Variants in FASTKD1 observed in about 807,000 individuals in gnomAD.
FASTKD1 encodes FAST kinase domain-containing protein 1, mitochondrial.
A neutral mutation model predicts 90.9 loss-of-function variants in FASTKD1; 94 were observed. That is an observed-to-expected ratio of 1.03 (90% CI 0.88 to 1.23). The LOEUF (loss-of-function observed/expected upper bound fraction) is 1.23, where lower values mean the gene tolerates loss of function less well. Ranked by LOEUF, FASTKD1 falls within the 50% of genes most tolerant of loss-of-function variation. The pLI is 0.00. For missense variants in FASTKD1, 945 were observed against 993.5 expected (o/e 0.95, Z 0.66); for synonymous variants, 319 against 345.8 (o/e 0.92, Z 0.86).
At chr2:169,566,660 C>G (rs1345691736) in intron 3 of FASTKD1, among the ~76,000 whole-genome samples, 1 of 151,954 alleles carries the variant, frequency 6.6e-6, no homozygotes, top group African/African-American at 2.4e-5. Context: ...TGCAGTGAGC[C>G]CTGGTTGTAC....
In FASTKD1 at chr2:169,560,672, T is replaced by C. The variant is rs371151192; in HGVS notation, c.686A>G (p.Asn229Ser). The part of the protein sequence containing the change: ...LFDTIDSSEV[N>S]VAKSIAKFLR... Reference sequence around the variant, plus strand: ...AAACTTTGCTATGCTTTTTGCAACGTTGACCTCAGAAGAATCTATGGTGTC... The same window carrying C: ...AAACTTTGCTATGCTTTTTGCAACGCTGACCTCAGAAGAATCTATGGTGTC... The change falls in exon 5 of 15, where the codon AAC becomes AGC. Residue 229 changes from asparagine (N) to serine (S), a missense_variant. By Grantham distance (46) the Asn-to-Ser change is conservative. Coordinates refer to ENST00000453153, the MANE Select transcript of FASTKD1 (RefSeq NM_024622.6). 77 of 1,613,100 alleles carry C rather than the reference T, an allele frequency of 4.8e-5. No homozygotes were observed. Among genetic ancestry groups the C allele is most frequent in the Non-Finnish European group, 6.1e-5 (72 of 1,179,780 alleles).
At chr2:169,531,736 A>C in intron 12 of FASTKD1, 1 of 383,452 alleles carries the variant, frequency 2.6e-6, no homozygotes, top group Non-Finnish European at 4.6e-6. Flanking sequence ...ACTAGGCTAC[A>C]TTTAGCGCTG....
intron 3 of FASTKD1, among the ~76,000 whole-genome samples, chr2:169,563,855 G>T (rs1683830716): frequency 6.6e-6 from 1 of 152,134 alleles, no homozygotes; most frequent in Non-Finnish European, 1.5e-5. Flanking sequence ...TGGATAAACT[G>T]CACATACTCA....
intron 7 of FASTKD1, among the ~76,000 whole-genome samples, chr2:169,551,122 A>G (rs1256497114): frequency 6.6e-6 from 1 of 152,220 alleles, no homozygotes; most frequent in Non-Finnish European, 1.5e-5. Flanking sequence ...AGGGGAAAAA[A>G]AGTAAAAAAA....
chr2:169,549,028 C>G (rs901196095), intron 7 of FASTKD1, among the ~76,000 whole-genome samples: 1 of 151,908 alleles, frequency 6.6e-6, no homozygotes, highest in Non-Finnish European at 1.5e-5. Context: ...ACCCGGGAGG[C>G]GGAGCTTGCA....
In FASTKD1 at chr2:169,529,571, C is replaced by T. The variant is rs1684386999; in HGVS notation, c.*254G>A. On this transcript the variant is annotated 3_prime_UTR_variant, in exon 15 of 15. Coordinates refer to ENST00000453153, the MANE Select transcript of FASTKD1 (RefSeq NM_024622.6). Reference sequence around the variant, plus strand: ...ATATCATTCCTTACTTGAAAAGCCCCCAATGGCTTCTCATCTCGCTCAGAG... The same window carrying T: ...ATATCATTCCTTACTTGAAAAGCCCTCAATGGCTTCTCATCTCGCTCAGAG... 6.6e-6 allele frequency among the ~76,000 whole-genome samples: 1 copy of T among 152,162 alleles called. No individual in the cohort carries two copies. The highest frequency in any genetic ancestry group is 1.5e-5 in the Non-Finnish European group (1 of 68,040).
intron 7 of FASTKD1, among the ~76,000 whole-genome samples, chr2:169,553,395 T>C (rs1372818935): frequency 1.3e-5 from 2 of 151,638 alleles, no homozygotes; most frequent in South Asian, 2.1e-4. Flanking sequence ...GGACTAAATA[T>C]GGAAAGGGTG....
chr2:169,565,249 C>T (rs796932234), intron 3 of FASTKD1, among the ~76,000 whole-genome samples: 888 of 26,490 alleles, frequency 0.034, 15 homozygotes, highest in African/African-American at 0.11. Flanking sequence ...CCACACCAGG[C>T]TTTTTTTTTT....
intron 7 of FASTKD1, 80 bp downstream of exon 7, chr2:169,555,044 C>A: frequency 7.5e-7 from 1 of 1,340,704 alleles, no homozygotes; most frequent in Admixed American, 2.5e-5. Flanking sequence ...TAACTTCTAG[C>A]ACCACTGTAC....
rs1685184441 is a variant in FASTKD1 at position 169,546,232 on chromosome 2, G to A, written c.1687C>T (p.Gln563Ter). 6.4e-7 allele frequency: 1 copy of A among 1,568,572 alleles called. No individual in the cohort carries two copies. Among genetic ancestry groups the A allele is most frequent in the African/African-American group, 1.4e-5 (1 of 73,056 alleles). The change falls in exon 8 of 15, where the codon CAG becomes TAG. Residue 563 changes from glutamine to a stop codon, truncating the protein, a stop_gained. Coordinates refer to ENST00000453153, the MANE Select transcript of FASTKD1 (RefSeq NM_024622.6). LOFTEE classifies it high-confidence loss of function. ...TTAAATTTCACCTTTTCAATCTGCT[G>A]AACAGCCACTGAGGCTATCCTATCT... The part of the protein sequence containing the change: ...LLDRIASVAV[Q>*]QIEKIHPFTI...
At position 169,529,894 on chromosome 2, in the gene FASTKD1, C is replaced by T; in HGVS notation, c.2475G>A (p.Leu825=). The T allele has an allele frequency of 6.2e-7, 1 of 1,613,568 alleles. No homozygotes were observed. Among genetic ancestry groups the T allele is most frequent in the Non-Finnish European group, 8.5e-7 (1 of 1,179,680 alleles). Residue 825 remains leucine (L), a synonymous_variant, in exon 15 of 15, where the codon CTG becomes CTA. Coordinates refer to ENST00000453153, the MANE Select transcript of FASTKD1 (RefSeq NM_024622.6). ...ISQFEWNSMA[L]STKDARMDYL... is the part of the protein sequence containing the mutation. ...AGTCCATCCGAGCATCCTTTGTTGA[C>T]AGTGCCATAGAGTTCCATTCAAACT...
Position 169,557,285 on chromosome 2 carries a change from A to G in FASTKD1, c.984T>C (p.Thr328=), listed in dbSNP as rs112786221. The part of the protein sequence containing the change: ...GPEEKKQLKS[T]MLLMSEDLTG... ...TTAGGTCCTCTGACATCAATAACAT[A>G]GTTGATTTAAGTCTAGAAGCAAAAA... is the stretch of plus-strand genomic sequence containing the variant. The change falls in exon 6 of 15, where the codon ACT becomes ACC. Residue 328 remains threonine, a synonymous_variant. Coordinates refer to ENST00000453153, the MANE Select transcript of FASTKD1 (RefSeq NM_024622.6). The G allele has an allele frequency of 1.3e-6, 2 of 1,582,618 alleles. No individual in the cohort carries two copies. Among genetic ancestry groups the G allele is most frequent in the Non-Finnish European group, 8.6e-7 (1 of 1,165,566 alleles).
intron 12 of FASTKD1, among the ~76,000 whole-genome samples, chr2:169,532,841 C>A (rs1684550787): frequency 6.6e-6 from 1 of 152,156 alleles, no homozygotes; most frequent in Non-Finnish European, 1.5e-5. Context: ...GGGTGCAGTG[C>A]ATGAGACGTA....
At chr2:169,559,143 T>C (rs553155576) in intron 5 of FASTKD1, among the ~76,000 whole-genome samples, 2 of 151,876 alleles carry the variant, frequency 1.3e-5, no homozygotes, top group African/African-American at 4.8e-5. Flanking sequence ...CCGACTTATC[T>C]TGTATTTTTA....
rs765579726 is a variant in FASTKD1, at chr2:169,540,049, A to T, written c.1945+2T>A. 1.2e-5 allele frequency: 18 copies of T among 1,544,080 alleles called. No homozygotes were observed. The highest frequency in any genetic ancestry group is 3.5e-4 in the Middle Eastern group (2 of 5,774). On this transcript the variant is annotated splice_donor_variant, in intron 10 of 14. Transcript: ENST00000453153. LOFTEE classifies it high-confidence loss of function. ...TAAATAAATTAAAAGATAGATACAT[A>T]CTTTCAAGTTGAGAATCCAATCTAG...
At chr2:169,532,494 T>C (rs1473811083) in intron 12 of FASTKD1, among the ~76,000 whole-genome samples, 5 of 150,942 alleles carry the variant, frequency 3.3e-5, no homozygotes, top group African/African-American at 1.2e-4. Flanking sequence ...AAGCCACTTA[T>C]GAAGTTTTTG....
chr2:169,563,146 G>T, intron 4 of FASTKD1, 79 bp downstream of exon 4: 1 of 1,381,152 alleles, frequency 7.2e-7, no homozygotes, highest in Non-Finnish European at 1.0e-6. Context: ...CATAAACTAA[G>T]AGTAGCAAAT....
At chr2:169,561,706 T>A (rs1040481455) in intron 4 of FASTKD1, among the ~76,000 whole-genome samples, 1 of 147,256 alleles carries the variant, frequency 6.8e-6, no homozygotes, top group African/African-American at 2.5e-5. Flanking sequence ...TATTAATCTA[T>A]TATAAATTAA....
At chr2:169,531,139 T>C (rs1447866893) in intron 13 of FASTKD1, 1 of 756,874 alleles carries the variant, frequency 1.3e-6, no homozygotes, top group African/African-American at 1.7e-5. Flanking sequence ...ACAATTCTTT[T>C]AGCACTTTAG....
Sources: gnomAD v4.1 joint callset for allele counts (sites outside exome capture counted in the v4.1 genomes callset) on GRCh38, gnomAD v4.1.1 for gene constraint, MANE v1.5 for transcripts, NCBI Gene and HGNC (gene_info 2026-07-23, HGNC 2026-07-21) for gene names.